CADPS2: variants seen among roughly 807,000 people sequenced by gnomAD.
The protein encoded by CADPS2 is calcium dependent secretion activator 2.
Under a neutral mutation model 172.5 loss-of-function variants are expected in CADPS2, and 93 were observed. That is an observed-to-expected ratio of 0.54 (90% CI 0.46 to 0.64). The LOEUF is 0.64. Ranked by LOEUF, CADPS2 falls within the 30% of genes least tolerant of loss-of-function variation. The probability of loss-of-function intolerance (pLI) is 0.00; values close to 1 mark genes in which losing one functional copy is unlikely to be tolerated. For missense variants in CADPS2, 1,420 were observed against 1,565.9 expected (o/e 0.91, Z 1.57); for synonymous variants, 546 against 555.2 (o/e 0.98, Z 0.23).
At chr7:122,373,274 C>T (rs1366023291) in intron 25 of CADPS2, among the ~76,000 whole-genome samples, 5 of 151,878 alleles carry the variant, frequency 3.3e-5, no homozygotes, top group Admixed American at 3.3e-4. Flanking sequence ...CTCATGGTTC[C>T]CTATTGTAAA....
Position 122,693,310 on chromosome 7 carries a change from C to T in CADPS2, c.454-29741G>A, listed in dbSNP as rs1001568250. On this transcript the variant is annotated intron_variant, in intron 2 of 29. Transcript: ENST00000449022. ...CCAGTTGAAATTCTGCCCTTCATAT[C>T]GCCACAAGCCTTTATCAATTCCTCT... 2.6e-4 allele frequency among the ~76,000 whole-genome samples: 39 copies of T among 152,132 alleles called. 1 individual carries two copies. Among genetic ancestry groups the T allele is most frequent in the African/African-American group, 8.5e-4 (35 of 41,416 alleles).
At chr7:122,649,709 G>C (rs1157325227) in intron 3 of CADPS2, among the ~76,000 whole-genome samples, 1 of 152,012 alleles carries the variant, frequency 6.6e-6, no homozygotes, top group Non-Finnish European at 1.5e-5. Context: ...GTAATGCACT[G>C]ATCAACTATA....
At chr7:122,873,108 C>T (rs1294410283) in intron 1 of CADPS2, among the ~76,000 whole-genome samples, 1 of 152,094 alleles carries the variant, frequency 6.6e-6, no homozygotes, top group African/African-American at 2.4e-5. Flanking sequence ...AAGTAAAACC[C>T]ACCTACTGTA....
intron 2 of CADPS2, among the ~76,000 whole-genome samples, chr7:122,681,120 G>A (rs777638481): frequency 7.5e-6 from 1 of 132,710 alleles, no homozygotes; most frequent in Non-Finnish European, 1.6e-5. Flanking sequence ...CACACTCTGG[G>A]GACTGTTGTA....
intron 24 of CADPS2, among the ~76,000 whole-genome samples, chr7:122,386,120 T>C (rs1214594222): frequency 6.6e-6 from 1 of 152,068 alleles, no homozygotes; most frequent in Non-Finnish European, 1.5e-5. Context: ...CATGAATCTT[T>C]GGACTATTGC....
intron 17 of CADPS2, among the ~76,000 whole-genome samples, chr7:122,421,532 C>G (rs1157571343): frequency 6.6e-6 from 1 of 152,142 alleles, no homozygotes; most frequent in East Asian, 1.9e-4. Context: ...TTTTAAACTC[C>G]TCAGATTCCG....
chr7:122,711,486 A>C (rs2088712234), intron 2 of CADPS2, among the ~76,000 whole-genome samples: 1 of 152,108 alleles, frequency 6.6e-6, no homozygotes, highest in Admixed American at 6.6e-5. Context: ...CAGGAGTAAT[A>C]GTTAAAAGAA....
chr7:122,704,473 G>C (rs1350696015), intron 2 of CADPS2, among the ~76,000 whole-genome samples: 1 of 151,928 alleles, frequency 6.6e-6, no homozygotes, highest in Non-Finnish European at 1.5e-5. Context: ...TGTTAAATCT[G>C]TGATTATTTA....
At chr7:122,772,639 T>C (rs540228509) in intron 1 of CADPS2, among the ~76,000 whole-genome samples, 6 of 151,524 alleles carry the variant, frequency 4.0e-5, no homozygotes, top group African/African-American at 9.7e-5. Flanking sequence ...CAAACTAAAA[T>C]ACAAAAAAAA....
intron 6 of CADPS2, among the ~76,000 whole-genome samples, chr7:122,607,009 A>C (rs2073656001): frequency 6.6e-6 from 1 of 151,790 alleles, no homozygotes; most frequent in Non-Finnish European, 1.5e-5. Context: ...GATATGACAA[A>C]CGGCATTTGC....
chr7:122,579,611 G>C (rs1446467738), intron 7 of CADPS2, among the ~76,000 whole-genome samples: 1 of 151,246 alleles, frequency 6.6e-6, no homozygotes, highest in Non-Finnish European at 1.5e-5. Flanking sequence ...GTGAGATATA[G>C]TTACAATAAG....
At chr7:122,420,693 AC>A (rs1272584547) in intron 17 of CADPS2, among the ~76,000 whole-genome samples, 1 of 152,226 alleles carries the variant, frequency 6.6e-6, no homozygotes, top group Non-Finnish European at 1.5e-5. Context: ...CAAGCTTCAC[AC>A]CAAATTGCTG....
At chr7:122,861,685 C>T (rs542096187) in intron 1 of CADPS2, among the ~76,000 whole-genome samples, 1 of 152,326 alleles carries the variant, frequency 6.6e-6, no homozygotes, top group East Asian at 1.9e-4. Flanking sequence ...TTAATTTTCT[C>T]ACCACAAAGA....
intron 15 of CADPS2, among the ~76,000 whole-genome samples, chr7:122,447,031 C>CTTTTTTTTTTTTTTTTTTTTTTTTTT: frequency 1.3e-5 from 1 of 78,350 alleles, no homozygotes; most frequent in Non-Finnish European, 2.4e-5. Context: ...GTAGCTCCCT[C>CTTTTTTTTTTTTTTTTTTTTTTTTTT]TTTTTTTTTT....
intron 9 of CADPS2, among the ~76,000 whole-genome samples, chr7:122,503,735 C>T (rs1383887289): frequency 6.6e-6 from 1 of 152,124 alleles, no homozygotes; most frequent in Non-Finnish European, 1.5e-5. Flanking sequence ...CATCCGTGCA[C>T]TTATTCATTC....
chr7:122,796,736 T>A (rs1020309736), intron 1 of CADPS2, among the ~76,000 whole-genome samples: 4 of 151,464 alleles, frequency 2.6e-5, no homozygotes, highest in Non-Finnish European at 4.4e-5. Flanking sequence ...AAGACTTACA[T>A]GTAAAATCCA....
At chr7:122,350,798 C>T (rs1364157233) in intron 27 of CADPS2, among the ~76,000 whole-genome samples, 1 of 150,982 alleles carries the variant, frequency 6.6e-6, no homozygotes, top group Non-Finnish European at 1.5e-5. Flanking sequence ...CCATCCTGGG[C>T]AACATGGCAA....
At chr7:122,362,285 A>G (rs2040256213) in intron 25 of CADPS2, among the ~76,000 whole-genome samples, 1 of 152,152 alleles carries the variant, frequency 6.6e-6, no homozygotes, top group Non-Finnish European at 1.5e-5. Flanking sequence ...GAGAGAAAAC[A>G]GATACACACT....
intron 1 of CADPS2, among the ~76,000 whole-genome samples, chr7:122,833,393 C>T (rs758713387): frequency 2.0e-5 from 3 of 151,968 alleles, no homozygotes; most frequent in Non-Finnish European, 4.4e-5. Flanking sequence ...CTCTGTTGCC[C>T]GGGCTGGAGT....
Sources: allele counts gnomAD v4.1 joint callset (sites outside exome capture counted in the v4.1 genomes callset), GRCh38; gene constraint gnomAD v4.1.1; transcripts MANE v1.5; gene names NCBI Gene and HGNC (gene_info 2026-07-23, HGNC 2026-07-21).